ABLIM1: variants seen among roughly 807,000 people sequenced by gnomAD.
ABLIM1 encodes the protein actin-binding LIM protein 1.
In ABLIM1, 40 loss-of-function variants were observed where a neutral mutation model predicts 107.0. The ratio of observed to expected loss-of-function variants is 0.37; its 90% confidence interval spans 0.29 to 0.49. The LOEUF (loss-of-function observed/expected upper bound fraction) is 0.49. Ranked by LOEUF, ABLIM1 falls within the 20% of genes least tolerant of loss-of-function variation. The pLI is 0.97. For synonymous variants in ABLIM1, 357 were observed against 357.3 expected (o/e 1.00, Z 0.01); for missense variants, 857 against 1,008.5 (o/e 0.85, Z 2.04).
rs954892018 is a variant in ABLIM1 at position 114,465,542 on chromosome 10, G to A, written c.1441+156C>T. On this transcript the variant is annotated intron_variant, in intron 12 of 22. Transcript: ENST00000533213. ...GACTGATGTTTCAAGAAAAGATAGA[G>A]CATAAAATATAGTTGGATACCAGTT... 1.3e-5 allele frequency: 10 copies of A among 786,448 alleles called. No individual in the cohort carries two copies. The East Asian group carries it at 2.3e-4, about 18-fold the overall frequency. 48.7% of individuals were successfully genotyped at this position (786,448 alleles called of 1,614,324 possible).
chr10:114,659,723 C>G (rs111338579), upstream of ABLIM1, among the ~76,000 whole-genome samples: 2 of 152,126 alleles, frequency 1.3e-5, no homozygotes, highest in Non-Finnish European at 2.9e-5. Flanking sequence ...AACATTCTCC[C>G]AGACTAGTGC....
intron 1 of ABLIM1, among the ~76,000 whole-genome samples, chr10:114,638,622 TACACACACACACACACACACACACAC>T (rs59605861): frequency 2.8e-5 from 4 of 143,750 alleles, no homozygotes; most frequent in African/African-American, 7.7e-5. Flanking sequence ...ATGCCCTGCC[TACACACACACACACACACACACACAC>T]ACACACACAC....
chr10:114,684,617 C>A, exon 1 of ABLIM1: 1 of 1,238,598 alleles, frequency 8.1e-7, no homozygotes, highest in African/African-American at 1.5e-5. Context: ...CCTACCACTT[C>A]TAAAGAGACC....
At chr10:114,492,730 T>A (rs1171373108) in intron 6 of ABLIM1, among the ~76,000 whole-genome samples, 2 of 152,174 alleles carry the variant, frequency 1.3e-5, no homozygotes, top group African/African-American at 2.4e-5. Context: ...CAATCCACCA[T>A]CAAAACATTT....
At chr10:114,620,878 C>T (rs1395387568) in intron 1 of ABLIM1, among the ~76,000 whole-genome samples, 2 of 152,214 alleles carry the variant, frequency 1.3e-5, no homozygotes, top group Non-Finnish European at 2.9e-5. Context: ...AGTAACTCTT[C>T]CCTTTAGGGA....
At chr10:114,453,556 T>TA (rs1296230137) in intron 12 of ABLIM1, 73 bp from the exon 13 acceptor site, 1 of 1,306,966 alleles carries the variant, frequency 7.7e-7, no homozygotes, top group African/African-American at 1.5e-5. Context: ...GCAAGTGTAA[T>TA]AAAAATTCAA....
intron 2 of ABLIM1, among the ~76,000 whole-genome samples, chr10:114,596,076 G>C (rs7076548): frequency 0.028 from 4,276 of 152,220 alleles, 185 homozygotes; most frequent in African/African-American, 0.098. Context: ...AGCTGGACAT[G>C]TGGATCCCTC....
chr10:114,512,783 C>A (rs1299735281), intron 6 of ABLIM1, among the ~76,000 whole-genome samples: 1 of 149,994 alleles, frequency 6.7e-6, no homozygotes, highest in Non-Finnish European at 1.5e-5. Context: ...CGAGATCGTG[C>A]CACTGCATTC....
At chr10:114,769,479 G>GGGA (rs1566324816), upstream of ABLIM1, among the ~76,000 whole-genome samples, 2 of 123,832 alleles carry the variant, frequency 1.6e-5, no homozygotes, top group Non-Finnish European at 3.6e-5. Context: ...AAGAAAGAAA[G>GGGA]AGAAAGAAAG....
At chr10:114,528,836 G>C (rs2065149073) in intron 6 of ABLIM1, among the ~76,000 whole-genome samples, 1 of 152,196 alleles carries the variant, frequency 6.6e-6, no homozygotes, top group Admixed American at 6.5e-5. Flanking sequence ...ACCATGTTGT[G>C]CTGGGAATCC....
intron 1 of ABLIM1, among the ~76,000 whole-genome samples, chr10:114,748,176 G>A (rs561088285): frequency 6.6e-6 from 1 of 150,880 alleles, no homozygotes; most frequent in South Asian, 2.1e-4. Flanking sequence ...TTTCCTTGCT[G>A]TCTTCAGGAA....
At chr10:114,688,938 A>G (rs1283318651), upstream of ABLIM1, among the ~76,000 whole-genome samples, 1 of 152,174 alleles carries the variant, frequency 6.6e-6, no homozygotes, top group Non-Finnish European at 1.5e-5. Flanking sequence ...ATACTCAAAG[A>G]CTGTATGTGT....
intron 1 of ABLIM1, among the ~76,000 whole-genome samples, chr10:114,749,551 C>T (rs931824252): frequency 6.6e-6 from 1 of 151,760 alleles, no homozygotes; most frequent in Non-Finnish European, 1.5e-5. Flanking sequence ...ATCAGGGGTA[C>T]TCGTGATTTC....
At chr10:114,631,307 C>G (rs1008754591) in intron 1 of ABLIM1, among the ~76,000 whole-genome samples, 2 of 152,210 alleles carry the variant, frequency 1.3e-5, no homozygotes, top group African/African-American at 4.8e-5. Flanking sequence ...CCTTTTAACA[C>G]TCTCCTTGTG....
chr10:114,667,190 GA>G (rs1194258381), intron 1 of ABLIM1, among the ~76,000 whole-genome samples: 1 of 152,156 alleles, frequency 6.6e-6, no homozygotes, highest in Non-Finnish European at 1.5e-5. Flanking sequence ...GGTACCGGGG[GA>G]AGGTAGCGGG....
At chr10:114,440,046 G>A in intron 20 of ABLIM1, 36 bp downstream of exon 20, 1 of 1,613,780 alleles carries the variant, frequency 6.2e-7, no homozygotes, top group Non-Finnish European at 8.5e-7. Flanking sequence ...TGTTCTATCG[G>A]TGTGGCCAAT....
At chr10:114,521,033 G>A (rs2063653620) in intron 6 of ABLIM1, among the ~76,000 whole-genome samples, 1 of 152,170 alleles carries the variant, frequency 6.6e-6, no homozygotes. Flanking sequence ...CCTTAGAGAT[G>A]TCACTGGATT....
chr10:114,713,589 C>G (rs773987815), intron 1 of ABLIM1, among the ~76,000 whole-genome samples: 5 of 152,180 alleles, frequency 3.3e-5, no homozygotes, highest in Non-Finnish European at 5.9e-5. Context: ...CTGGTATTTA[C>G]TTAGAGAAAG....
chr10:114,716,777 G>T (rs1474857630), intron 1 of ABLIM1, among the ~76,000 whole-genome samples: 1 of 150,296 alleles, frequency 6.7e-6, no homozygotes, highest in African/African-American at 2.5e-5. Flanking sequence ...GTTCATGCTA[G>T]CTGCTTCTGC....
Sources: gnomAD v4.1 joint callset for allele counts (sites outside exome capture counted in the v4.1 genomes callset) on GRCh38, gnomAD v4.1.1 for gene constraint, MANE v1.5 for transcripts, NCBI Gene and HGNC (gene_info 2026-07-23, HGNC 2026-07-21) for gene names.